Variants in RAPGEF4 observed in about 807,000 individuals in gnomAD.
RAPGEF4 encodes RAP guanine-nucleotide-exchange factor (GEF) 4.
Under a neutral mutation model 147.9 loss-of-function variants are expected in RAPGEF4, and 66 were observed. The ratio of observed to expected loss-of-function variants is 0.45; its 90% CI spans 0.37 to 0.55. RAPGEF4 has a LOEUF of 0.55. Ranked by LOEUF, RAPGEF4 falls within the 20% of genes least tolerant of loss-of-function variation. The probability of loss-of-function intolerance (pLI) is 0.00; values close to 1 mark genes in which losing one functional copy is unlikely to be tolerated. For missense variants in RAPGEF4, 1,071 were observed against 1,257.3 expected (o/e 0.85, Z 2.24); for synonymous variants, 419 against 442.7 (o/e 0.95, Z 0.67).
At chr2:172,845,835 A>G (rs1175168739) in intron 4 of RAPGEF4, among the ~76,000 whole-genome samples, 1 of 152,202 alleles carries the variant, frequency 6.6e-6, no homozygotes, top group Non-Finnish European at 1.5e-5. Flanking sequence ...ACCCATTAGC[A>G]GTCACTCCCT....
At chr2:172,752,312 C>T (rs536114950) in intron 1 of RAPGEF4, among the ~76,000 whole-genome samples, 4 of 152,334 alleles carry the variant, frequency 2.6e-5, no homozygotes, top group South Asian at 4.1e-4. Context: ...CCTAGAAATT[C>T]CAACAATTTC....
At chr2:172,805,941 G>A (rs559391467) in intron 3 of RAPGEF4, among the ~76,000 whole-genome samples, 1 of 151,986 alleles carries the variant, frequency 6.6e-6, no homozygotes, top group South Asian at 2.1e-4. Flanking sequence ...ATTGGGACAA[G>A]TTATAAGCAA....
intron 29 of RAPGEF4, among the ~76,000 whole-genome samples, chr2:173,040,043 G>A (rs1318650779): frequency 1.3e-5 from 2 of 151,946 alleles, no homozygotes; most frequent in Non-Finnish European, 2.9e-5. Flanking sequence ...ACAAAAATTA[G>A]CCAGGTTGAT....
At chr2:172,852,974 TG>T (rs767217748) in intron 4 of RAPGEF4, among the ~76,000 whole-genome samples, 3 of 152,088 alleles carry the variant, frequency 2.0e-5, no homozygotes, top group Non-Finnish European at 2.9e-5. Context: ...AAACTCTACT[TG>T]TTATGTAAAA....
chr2:172,844,978 A>G (rs1405342831), intron 4 of RAPGEF4, among the ~76,000 whole-genome samples: 5 of 152,224 alleles, frequency 3.3e-5, no homozygotes, highest in Non-Finnish European at 5.9e-5. Flanking sequence ...TCCTTGGGCA[A>G]CTTACTATAT....
At chr2:172,845,376 T>C (rs1057256850) in intron 4 of RAPGEF4, among the ~76,000 whole-genome samples, 1 of 152,210 alleles carries the variant, frequency 6.6e-6, no homozygotes. Context: ...CTGCATGTGT[T>C]GTTTTGAATG....
intron 5 of RAPGEF4, among the ~76,000 whole-genome samples, chr2:172,921,293 G>A (rs766472367): frequency 5.3e-5 from 8 of 151,804 alleles, no homozygotes; most frequent in Admixed American, 1.3e-4. Context: ...TCACCATGTC[G>A]GCCAGGCTGC....
intron 1 of RAPGEF4, among the ~76,000 whole-genome samples, chr2:172,757,733 T>G (rs1480017379): frequency 6.6e-6 from 1 of 152,224 alleles, no homozygotes; most frequent in East Asian, 1.9e-4. Flanking sequence ...GTAAACTTGC[T>G]TGCTACATGA....
At chr2:172,757,527 T>C (rs1455667323) in intron 1 of RAPGEF4, among the ~76,000 whole-genome samples, 1 of 152,242 alleles carries the variant, frequency 6.6e-6, no homozygotes, top group Non-Finnish European at 1.5e-5. Flanking sequence ...TTCCATCCTA[T>C]CTTCTTCCCT....
At chr2:172,812,981 C>A (rs1317906203) in intron 3 of RAPGEF4, among the ~76,000 whole-genome samples, 3 of 152,194 alleles carry the variant, frequency 2.0e-5, no homozygotes, top group African/African-American at 7.2e-5. Flanking sequence ...TTGCAGTTGC[C>A]TTTCTGCAAA....
chr2:172,763,042 A>G (rs1390961950), intron 1 of RAPGEF4, among the ~76,000 whole-genome samples: 1 of 152,234 alleles, frequency 6.6e-6, no homozygotes, highest in Non-Finnish European at 1.5e-5. Flanking sequence ...GGTCTCCAAG[A>G]TGAGAGCCTG....
chr2:172,829,945 C>T (rs549982922), intron 4 of RAPGEF4, among the ~76,000 whole-genome samples: 29 of 151,668 alleles, frequency 1.9e-4, no homozygotes, highest in African/African-American at 6.3e-4. Flanking sequence ...TTTTTATATG[C>T]GTGTGCATTT....
intron 4 of RAPGEF4, among the ~76,000 whole-genome samples, chr2:172,876,397 G>A (rs1229438911): frequency 6.6e-6 from 1 of 152,126 alleles, no homozygotes; most frequent in East Asian, 1.9e-4. Flanking sequence ...GTCATAAATA[G>A]CTCTTATTTT....
intron 10 of RAPGEF4, among the ~76,000 whole-genome samples, chr2:172,978,852 A>G (rs1229381258): frequency 2.0e-5 from 3 of 152,274 alleles, no homozygotes; most frequent in African/African-American, 7.2e-5. Context: ...TTGTTTTCCA[A>G]TGTCATTTTG....
chr2:172,841,509 C>A (rs113035577), intron 4 of RAPGEF4, among the ~76,000 whole-genome samples: 16 of 152,002 alleles, frequency 1.1e-4, no homozygotes, highest in African/African-American at 3.6e-4. Context: ...CACACACTTA[C>A]AATTTTGGAT....
At chr2:172,867,928 C>A (rs1314177040) in intron 4 of RAPGEF4, among the ~76,000 whole-genome samples, 2 of 152,194 alleles carry the variant, frequency 1.3e-5, no homozygotes, top group African/African-American at 2.4e-5. Context: ...TTTTTAACTT[C>A]TTTAAAGCCA....
intron 4 of RAPGEF4, among the ~76,000 whole-genome samples, chr2:172,895,631 C>G (rs923750191): frequency 6.6e-6 from 1 of 152,082 alleles, no homozygotes; most frequent in Admixed American, 6.5e-5. Context: ...TAATGTGGTT[C>G]TCTGAGACTG....
At chr2:172,752,427 G>A (rs1277081377) in intron 1 of RAPGEF4, among the ~76,000 whole-genome samples, 1 of 152,120 alleles carries the variant, frequency 6.6e-6, no homozygotes, top group African/African-American at 2.4e-5. Flanking sequence ...CAGTGATATA[G>A]CAGTATGTTT....
intron 17 of RAPGEF4, among the ~76,000 whole-genome samples, chr2:173,013,882 C>A (rs1695259034): frequency 6.6e-6 from 1 of 152,124 alleles, no homozygotes; most frequent in African/African-American, 2.4e-5. Flanking sequence ...GAGGCCCTCA[C>A]CAGAGAATTG....
Sources: gnomAD v4.1 joint callset for allele counts (sites outside exome capture counted in the v4.1 genomes callset) on GRCh38, gnomAD v4.1.1 for gene constraint, MANE v1.5 for transcripts, NCBI Gene and HGNC (gene_info 2026-07-23, HGNC 2026-07-21) for gene names.